Variants in KDM4C observed in about 807,000 individuals in gnomAD.
The protein encoded by KDM4C is lysine demethylase 4C.
A neutral mutation model predicts 129.3 loss-of-function variants in KDM4C; 81 were observed. The ratio of observed to expected loss-of-function variants is 0.63; its 90% CI spans 0.52 to 0.75. The LOEUF (loss-of-function observed/expected upper bound fraction) is 0.75. Among genes scored for constraint, KDM4C ranks in the 30% least tolerant of loss-of-function variants. The probability of loss-of-function intolerance (pLI) is 0.00; values close to 1 mark genes in which losing one functional copy is unlikely to be tolerated. For missense variants in KDM4C, 1,457 were observed against 1,304.0 expected (o/e 1.12, Z -1.81); for synonymous variants, 573 against 456.1 (o/e 1.26, Z -3.26).
At chr9:7,134,346 C>T (rs1243105787) in intron 19 of KDM4C, among the ~76,000 whole-genome samples, 1 of 152,248 alleles carries the variant, frequency 6.6e-6, no homozygotes, top group Non-Finnish European at 1.5e-5. Context: ...TTAAATTTAT[C>T]TGACAAATTT....
At position 6,806,364 on chromosome 9, in the gene KDM4C, C is replaced by G. The variant is rs967660277; in HGVS notation, c.320+590C>G. Among the ~76,000 whole-genome samples the G allele has an allele frequency of 3.0e-4, 45 of 152,032 alleles. 1 individual carries two copies. Among genetic ancestry groups the G allele is most frequent in the African/African-American group, 1.0e-3 (43 of 41,476 alleles). ...ACAAAATTAACCATGCGTGGTGGCA[C>G]GTGCCTGTAATCCCAGCTACTCAGG... On this transcript the variant is annotated intron_variant, in intron 3 of 21. Transcript: ENST00000381309.
rs1838447004 is a variant in KDM4C, at chr9:6,849,536, C to G, written c.465C>G (p.Leu155=). Residue 155 remains leucine (L), a synonymous_variant, in exon 5 of 22, where the codon CTC becomes CTG. Coordinates refer to ENST00000381309, the MANE Select transcript of KDM4C (RefSeq NM_015061.6). ...EGVDEWNIAR[L]NTVLDVVEEE... ...TGGATGAATGGAACATAGCTCGCCT[C>G]AATACAGTCTTGGATGTGGTTGAAG... 1.1e-5 allele frequency: 17 copies of G among 1,607,438 alleles called. No homozygotes were observed. The highest frequency in any genetic ancestry group is 1.4e-5 in the Non-Finnish European group (16 of 1,175,172).
rs1178545775 is a variant in KDM4C at position 6,866,477 on chromosome 9, GCA to G, written c.630-13533_630-13532del. Among the ~76,000 whole-genome samples, 4 of 152,250 alleles carry G rather than the reference GCA, an allele frequency of 2.6e-5. No homozygotes were observed. In the East Asian group the frequency reaches 7.7e-4, roughly 29 times the overall value. Reference sequence around the variant, plus strand: ...TGTGGGACAGACCTCCTACAGTGTAGCACTGCTGAGCTGCCACTCTGATTTGG... The same window carrying G: ...TGTGGGACAGACCTCCTACAGTGTAGCTGCTGAGCTGCCACTCTGATTTGG... On this transcript the variant is annotated intron_variant, in intron 5 of 21. Coordinates refer to ENST00000381309, the MANE Select transcript of KDM4C (RefSeq NM_015061.6).
intron 17 of KDM4C, among the ~76,000 whole-genome samples, chr9:7,102,666 A>T (rs1308698986): frequency 6.6e-6 from 1 of 152,222 alleles, no homozygotes; most frequent in Non-Finnish European, 1.5e-5. Flanking sequence ...CACGTCTCTG[A>T]TAAAATATTA....
At chr9:6,836,200 C>G (rs1003999961) in intron 4 of KDM4C, among the ~76,000 whole-genome samples, 1 of 152,032 alleles carries the variant, frequency 6.6e-6, no homozygotes, top group Non-Finnish European at 1.5e-5. Context: ...GCCTGTAATC[C>G]CAACACTTTG....
At chr9:6,832,457 G>A (rs1262211120) in intron 4 of KDM4C, among the ~76,000 whole-genome samples, 3 of 115,826 alleles carry the variant, frequency 2.6e-5, no homozygotes, top group Admixed American at 1.0e-4. Flanking sequence ...GTGGAGTCTC[G>A]CTCTGTCACC....
At chr9:6,936,770 C>T (rs935972880) in intron 8 of KDM4C, among the ~76,000 whole-genome samples, 1 of 152,152 alleles carries the variant, frequency 6.6e-6, no homozygotes, top group Non-Finnish European at 1.5e-5. Flanking sequence ...TTGGTAACTC[C>T]CATTTTTGCT....
At chr9:6,854,418 G>A (rs960087691) in intron 5 of KDM4C, among the ~76,000 whole-genome samples, 6 of 151,020 alleles carry the variant, frequency 4.0e-5, no homozygotes, top group African/African-American at 1.2e-4. Context: ...CCAGCTACTC[G>A]GGAGACTGAG....
intron 19 of KDM4C, among the ~76,000 whole-genome samples, chr9:7,163,380 A>T (rs993174141): frequency 6.6e-6 from 1 of 152,182 alleles, no homozygotes; most frequent in Non-Finnish European, 1.5e-5. Flanking sequence ...GCACCATGGC[A>T]CATAGTTTGG....
chr9:7,089,817 G>T (rs1036572421), intron 17 of KDM4C, among the ~76,000 whole-genome samples: 1 of 152,248 alleles, frequency 6.6e-6, no homozygotes, highest in Non-Finnish European at 1.5e-5. Context: ...ATATTTTGCT[G>T]GCTCGGCCTT....
chr9:6,861,758 C>T (rs534881119), intron 5 of KDM4C, among the ~76,000 whole-genome samples: 1 of 151,566 alleles, frequency 6.6e-6, no homozygotes, highest in African/African-American at 2.4e-5. Context: ...AGTTACTTTA[C>T]AATATATATT....
chr9:7,072,520 C>T (rs938814178), intron 17 of KDM4C, among the ~76,000 whole-genome samples: 1 of 152,180 alleles, frequency 6.6e-6, no homozygotes, highest in South Asian at 2.1e-4. Context: ...ATGCCTGACT[C>T]AAAAGGCTCC....
intron 6 of KDM4C, among the ~76,000 whole-genome samples, chr9:6,882,481 A>G (rs758500483): frequency 6.6e-6 from 1 of 152,186 alleles, no homozygotes; most frequent in Non-Finnish European, 1.5e-5. Context: ...TTTATTGGGA[A>G]TAAAATGCTA....
At chr9:7,082,521 G>A (rs547957498) in intron 17 of KDM4C, among the ~76,000 whole-genome samples, 92 of 152,284 alleles carry the variant, frequency 6.0e-4, no homozygotes, top group East Asian at 4.1e-3. Flanking sequence ...TTTTTCAGTA[G>A]CCTTATGCAG....
At chr9:7,097,965 G>A (rs1183822494) in intron 17 of KDM4C, among the ~76,000 whole-genome samples, 1 of 152,210 alleles carries the variant, frequency 6.6e-6, no homozygotes, top group Non-Finnish European at 1.5e-5. Flanking sequence ...TCAGTGTTCT[G>A]CTACTTGGCT....
In KDM4C at chr9:6,856,539, C is replaced by CGTGTGTGTGT. The variant is rs201267627; in HGVS notation, c.629+6872_629+6881dup. ...TTTTAGGCATATCTCTCTCTGTGTG[C>CGTGTGTGTGT]GTGTGTGTGTGTGTGTGTGTGTGTG... On this transcript the variant is annotated intron_variant, in intron 5 of 21. Transcript: ENST00000381309. 5.8e-3 allele frequency among the ~76,000 whole-genome samples: 761 copies of CGTGTGTGTGT among 131,582 alleles called. 13 individuals carry two copies. Among genetic ancestry groups the CGTGTGTGTGT allele is most frequent in the East Asian group, 0.016 (71 of 4,482 alleles). The allele number at this position is 131,582 out of a possible 152,430, so 86.3% of individuals were successfully genotyped here. A position where few individuals can be genotyped will look rare whatever the true frequency, so the allele number is the denominator to read the frequency against.
intron 15 of KDM4C, among the ~76,000 whole-genome samples, chr9:7,031,168 T>TTATGTATGTATG (rs142715829): frequency 2.5e-5 from 2 of 78,616 alleles, no homozygotes; most frequent in African/African-American, 9.0e-5. Flanking sequence ...ATTTATTTAT[T>TTATGTATGTATG]TATGTATGTT....
At chr9:6,928,419 A>G (rs747683987) in intron 8 of KDM4C, among the ~76,000 whole-genome samples, 1 of 152,204 alleles carries the variant, frequency 6.6e-6, no homozygotes, top group Non-Finnish European at 1.5e-5. Context: ...TCTCTTGTCC[A>G]GAACAGGGCT....
intron 1 of KDM4C, among the ~76,000 whole-genome samples, chr9:6,741,723 C>CTT (rs1164663856): frequency 1.9e-5 from 2 of 102,840 alleles, no homozygotes; most frequent in African/African-American, 7.7e-5. Flanking sequence ...TTATTCAGCA[C>CTT]TTTTTTTTTT....
Sources: gnomAD v4.1 joint callset for allele counts (sites outside exome capture counted in the v4.1 genomes callset) on GRCh38, gnomAD v4.1.1 for gene constraint, MANE v1.5 for transcripts, NCBI Gene and HGNC (gene_info 2026-07-23, HGNC 2026-07-21) for gene names.